LINGO2: variants seen among roughly 807,000 people sequenced by gnomAD.
The protein encoded by LINGO2 is leucine-rich repeat and immunoglobulin-like domain-containing nogo receptor-interacting protein 2.
A neutral mutation model predicts 30.6 loss-of-function variants in LINGO2; 14 were observed. The observed-to-expected ratio is 0.46, with a 90% CI of 0.30 to 0.72. LINGO2 has a LOEUF of 0.72. Ranked by LOEUF, LINGO2 falls within the 30% of genes least tolerant of loss-of-function variation. The pLI, the probability that LINGO2 is intolerant of heterozygous loss-of-function variation, is 0.07. For missense variants in LINGO2, 729 were observed against 751.7 expected (o/e 0.97, Z 0.35); for synonymous variants, 317 against 288.5 (o/e 1.10, Z -1.00).
chr9:28,744,889 C>T, the LINGO2 span, among the ~76,000 whole-genome samples: 30 of 151,922 alleles, frequency 2.0e-4, no homozygotes, highest in South Asian at 4.6e-3. Context: ...CTCACCAAGG[C>T]CTCCCAAAGT....
intron 2 of LINGO2, among the ~76,000 whole-genome samples, chr9:28,437,402 C>A (rs1282551885): frequency 6.6e-6 from 1 of 152,224 alleles, no homozygotes; most frequent in Non-Finnish European, 1.5e-5. Context: ...CTGAGGCTGT[C>A]ACAATTGGCC....
At chr9:28,903,444 A>G in the LINGO2 span, among the ~76,000 whole-genome samples, 1 of 152,146 alleles carries the variant, frequency 6.6e-6, no homozygotes, top group East Asian at 1.9e-4. Context: ...TCTATCTAAC[A>G]TTCATTCATT....
chr9:28,989,764 A>G, the LINGO2 span, among the ~76,000 whole-genome samples: 1 of 152,200 alleles, frequency 6.6e-6, no homozygotes, highest in Non-Finnish European at 1.5e-5. Context: ...TTTCCCTGGA[A>G]GTTATGTGGT....
At chr9:28,028,222 T>C (rs1476016084) in intron 4 of LINGO2, among the ~76,000 whole-genome samples, 1 of 152,192 alleles carries the variant, frequency 6.6e-6, no homozygotes, top group Non-Finnish European at 1.5e-5. Context: ...AGAGCTTATA[T>C]TGAACAGAAT....
intron 2 of LINGO2, among the ~76,000 whole-genome samples, chr9:28,444,253 C>G (rs1824320082): frequency 6.6e-6 from 1 of 152,170 alleles, no homozygotes; most frequent in Non-Finnish European, 1.5e-5. Flanking sequence ...GTGAAACGCT[C>G]TTAGACTGTG....
At chr9:28,636,057 G>A (rs1827253661) in intron 1 of LINGO2, among the ~76,000 whole-genome samples, 2 of 151,944 alleles carry the variant, frequency 1.3e-5, no homozygotes, top group African/African-American at 4.8e-5. Flanking sequence ...TCCCACCTAT[G>A]AGTGAGAACA....
At chr9:28,633,546 A>T (rs1396783147) in intron 1 of LINGO2, among the ~76,000 whole-genome samples, 2 of 152,220 alleles carry the variant, frequency 1.3e-5, no homozygotes, top group Non-Finnish European at 2.9e-5. Context: ...TTGCACTTAA[A>T]TAATTTATGT....
intron 4 of LINGO2, among the ~76,000 whole-genome samples, chr9:28,081,901 A>G (rs542929246): frequency 5.9e-5 from 9 of 152,192 alleles, no homozygotes; most frequent in Non-Finnish European, 1.3e-4. Context: ...GATGTATACC[A>G]TGATACAGAA....
the LINGO2 span, among the ~76,000 whole-genome samples, chr9:28,921,636 AAG>A: frequency 7.9e-5 from 12 of 152,100 alleles, no homozygotes; most frequent in African/African-American, 2.4e-4. Flanking sequence ...AGCAAGGAGG[AAG>A]AGAGAGAGAT....
chr9:28,865,526 T>C, the LINGO2 span, among the ~76,000 whole-genome samples: 1 of 152,132 alleles, frequency 6.6e-6, no homozygotes, highest in South Asian at 2.1e-4. Flanking sequence ...TTCACGTCTG[T>C]AATCCCAGCA....
the LINGO2 span, among the ~76,000 whole-genome samples, chr9:28,952,844 T>C: frequency 6.6e-6 from 1 of 152,164 alleles, no homozygotes; most frequent in Non-Finnish European, 1.5e-5. Context: ...AATAAAATAA[T>C]ACTTGTTTTA....
At chr9:28,650,077 CTAAAG>C (rs1328743734) in intron 1 of LINGO2, among the ~76,000 whole-genome samples, 9 of 150,846 alleles carry the variant, frequency 6.0e-5, no homozygotes, top group Non-Finnish European at 1.2e-4. Flanking sequence ...GGTAGCTGTA[CTAAAG>C]GTCTGATGAA....
At chr9:28,310,898 TC>T (rs1373605334) in intron 3 of LINGO2, among the ~76,000 whole-genome samples, 1 of 152,160 alleles carries the variant, frequency 6.6e-6, no homozygotes, top group Non-Finnish European at 1.5e-5. Flanking sequence ...CTCACATCAT[TC>T]TTTTAAGAAG....
intron 4 of LINGO2, among the ~76,000 whole-genome samples, chr9:28,167,811 A>T (rs1260550880): frequency 6.6e-6 from 1 of 152,234 alleles, no homozygotes; most frequent in Non-Finnish European, 1.5e-5. Context: ...TCAAATTGGC[A>T]TCCTACAGAT....
intron 4 of LINGO2, among the ~76,000 whole-genome samples, chr9:28,019,389 G>A (rs72722866): frequency 0.035 from 5,365 of 151,462 alleles, 128 homozygotes; most frequent in Middle Eastern, 0.065. Context: ...ACTAGTGAGT[G>A]CTGGGTAGGG....
chr9:28,920,634 G>A, the LINGO2 span, among the ~76,000 whole-genome samples: 1 of 152,076 alleles, frequency 6.6e-6, no homozygotes, highest in Non-Finnish European at 1.5e-5. Context: ...TGTAGTAATG[G>A]GTCATGAAGG....
the LINGO2 span, among the ~76,000 whole-genome samples, chr9:29,206,972 C>T: frequency 6.6e-6 from 1 of 151,916 alleles, no homozygotes; most frequent in East Asian, 1.9e-4. Flanking sequence ...CAGCAGGTGA[C>T]AGTCACATCC....
At chr9:28,919,286 T>C in the LINGO2 span, among the ~76,000 whole-genome samples, 1 of 152,074 alleles carries the variant, frequency 6.6e-6, no homozygotes, top group African/African-American at 2.4e-5. Context: ...CATGAATCCG[T>C]ATGATGATGA....
chr9:28,428,941 G>A (rs925336293), intron 2 of LINGO2, among the ~76,000 whole-genome samples: 1 of 152,142 alleles, frequency 6.6e-6, no homozygotes, highest in Non-Finnish European at 1.5e-5. Flanking sequence ...AAAAGGCCTA[G>A]CCATATAAAC....
Sources: allele counts gnomAD v4.1 joint callset (sites outside exome capture counted in the v4.1 genomes callset), GRCh38; gene constraint gnomAD v4.1.1; transcripts MANE v1.5; gene names NCBI Gene and HGNC (gene_info 2026-07-23, HGNC 2026-07-21).